Variants in ITM2B observed in about 807,000 individuals in gnomAD.
ITM2B encodes ABri/ADan amyloid peptide.
A neutral mutation model predicts 27.8 loss-of-function variants in ITM2B; 11 were observed. The ratio of observed to expected loss-of-function variants is 0.40; its 90% CI spans 0.25 to 0.66. The LOEUF (loss-of-function observed/expected upper bound fraction) is 0.66. ITM2B is among the 30% of genes least tolerant of loss of function. ITM2B has a pLI of 0.43. For missense variants in ITM2B, 296 were observed against 328.9 expected (o/e 0.90, Z 0.77); for synonymous variants, 114 against 114.3 (o/e 1.00, Z 0.02).
Position 48,233,210 on chromosome 13 carries a change from G to A in ITM2B, c.-151G>A, listed in dbSNP as rs898292453. On this transcript the variant is annotated 5_prime_UTR_variant, in exon 1 of 6. Coordinates refer to ENST00000647800, the MANE Select transcript of ITM2B (RefSeq NM_021999.5). Reference sequence around the variant, plus strand: ...AGGCTGCGAGATCCCTACCGCAGTAGCCGCCTCTGCCGCCGCGGAGCTTCC... The same window carrying A: ...AGGCTGCGAGATCCCTACCGCAGTAACCGCCTCTGCCGCCGCGGAGCTTCC... The A allele has an allele frequency of 6.3e-6, 3 of 476,882 alleles. No homozygotes were observed. Among genetic ancestry groups the A allele is most frequent in the African/African-American group, 4.2e-5 (2 of 47,238 alleles). 29.5% of individuals were successfully genotyped at this position (476,882 alleles called of 1,614,324 possible).
intron 1 of ITM2B, among the ~76,000 whole-genome samples, chr13:48,244,005 C>T (rs1409472800): frequency 6.6e-6 from 1 of 152,104 alleles, no homozygotes; most frequent in East Asian, 1.9e-4. Flanking sequence ...AGATAATATT[C>T]AGACTTTATT....
intron 1 of ITM2B, among the ~76,000 whole-genome samples, chr13:48,243,798 C>CA (rs1373096678): frequency 1.3e-5 from 2 of 151,480 alleles, no homozygotes; most frequent in Non-Finnish European, 2.9e-5. Context: ...GCTGGGGTGA[C>CA]AGAGCAAGAC....
intron 1 of ITM2B, among the ~76,000 whole-genome samples, chr13:48,239,303 T>G (rs1018409212): frequency 6.6e-6 from 1 of 152,186 alleles, no homozygotes; most frequent in African/African-American, 2.4e-5. Context: ...AGATGAATTG[T>G]TGAAGCTGGA....
chr13:48,249,735 G>A (rs1951742697), intron 1 of ITM2B, among the ~76,000 whole-genome samples: 2 of 151,948 alleles, frequency 1.3e-5, no homozygotes, highest in Non-Finnish European at 2.9e-5. Context: ...TAAGTATGAG[G>A]CTTTCTATAG....
intron 1 of ITM2B, among the ~76,000 whole-genome samples, chr13:48,243,863 AAAAAT>A (rs1166147484): frequency 2.0e-5 from 3 of 152,224 alleles, no homozygotes; most frequent in Non-Finnish European, 2.9e-5. Context: ...ATTTAATAAA[AAAAAT>A]CAGGCTATGT....
chr13:48,260,829 A>G (rs1383458994), intron 5 of ITM2B, among the ~76,000 whole-genome samples: 1 of 152,186 alleles, frequency 6.6e-6, no homozygotes, highest in Admixed American at 6.5e-5. Context: ...AGTTTCCACA[A>G]AGATACACAA....
chr13:48,260,997 G>A, intron 5 of ITM2B, 142 bp from the exon 6 acceptor site: 1 of 640,434 alleles, frequency 1.6e-6, no homozygotes, highest in Non-Finnish European at 2.8e-6. Flanking sequence ...CTTTTCTTCA[G>A]TGTAAACATT....
rs1458206284 is a variant in ITM2B at position 48,263,356 on chromosome 13, A to G, written c.*2132A>G. 6.6e-6 allele frequency: 1 copy of G among 152,078 alleles called. No homozygotes were observed. The highest frequency in any genetic ancestry group is 1.5e-5 in the Non-Finnish European group (1 of 68,014). 9.4% of individuals were successfully genotyped at this position (152,078 alleles called of 1,614,324 possible). A position where few individuals can be genotyped will look rare whatever the true frequency, so the allele number is the denominator to read the frequency against. On this transcript the variant is annotated 3_prime_UTR_variant, in exon 6 of 6. Transcript: ENST00000647800. ...ATGTCCCAGGAATTTTGGAACTCCA[A>G]CTGAGATTTCAGGCTCATTATTCAT... is the stretch of plus-strand genomic sequence containing the variant.
Position 48,267,555 on chromosome 13 carries a change from C to A in ITM2B, c.*6331C>A, listed in dbSNP as rs1252979955. ...CCCCATAGAAATGTCTTTGTATAAC[C>A]ATGGCATGATATTATTCTCTTGACT... On this transcript the variant is annotated 3_prime_UTR_variant, in exon 6 of 6. Transcript: ENST00000647800. 1 of 152,154 alleles carries A rather than the reference C, an allele frequency of 6.6e-6. No homozygotes were observed. The highest frequency in any genetic ancestry group is 1.5e-5 in the Non-Finnish European group (1 of 68,036). The allele number at this position is 152,154 out of a possible 1,614,324, so 9.4% of individuals were successfully genotyped here. A position where few individuals can be genotyped will look rare whatever the true frequency, so the allele number is the denominator to read the frequency against.
At chr13:48,250,181 C>T (rs1951746357) in intron 1 of ITM2B, among the ~76,000 whole-genome samples, 2 of 152,172 alleles carry the variant, frequency 1.3e-5, no homozygotes, top group Admixed American at 6.5e-5. Context: ...AAATGCTGAA[C>T]TAGGCTACTG....
Position 48,233,486 on chromosome 13 carries a change from C to T in ITM2B, c.117+9C>T. ...TCGCGGTGGACTGCAAGGTCCGAGC[C>T]CGGGGAGGTCGAGGAAGCGGGTGCT... On this transcript the variant is annotated intron_variant, in intron 1 of 5. Coordinates refer to ENST00000647800, the MANE Select transcript of ITM2B (RefSeq NM_021999.5). 1 of 1,506,490 alleles carries T rather than the reference C, an allele frequency of 6.6e-7. No homozygotes were observed. The allele number at this position is 1,506,490 out of a possible 1,614,324, so 93.3% of individuals were successfully genotyped here.
chr13:48,237,255 T>G (rs906389932), intron 1 of ITM2B, among the ~76,000 whole-genome samples: 74 of 152,246 alleles, frequency 4.9e-4, no homozygotes, highest in African/African-American at 1.7e-3. Context: ...TACCTAGTTA[T>G]GTAATTCCGT....
intron 1 of ITM2B, among the ~76,000 whole-genome samples, chr13:48,249,303 C>A (rs1353491646): frequency 1.3e-5 from 2 of 152,174 alleles, no homozygotes; most frequent in African/African-American, 4.8e-5. Flanking sequence ...GATTCAGTCC[C>A]GCTGGTGTGT....
rs1471716491 is a variant in ITM2B at position 48,263,040 on chromosome 13, A to G, written c.*1816A>G. 1 of 152,208 alleles carries G rather than the reference A, an allele frequency of 6.6e-6. No homozygotes were observed. Among genetic ancestry groups the G allele is most frequent in the Non-Finnish European group, 1.5e-5 (1 of 68,032 alleles). The allele number at this position is 152,208 out of a possible 1,614,324, so 9.4% of individuals were successfully genotyped here. A position where few individuals can be genotyped will look rare whatever the true frequency, so the allele number is the denominator to read the frequency against. On this transcript the variant is annotated 3_prime_UTR_variant, in exon 6 of 6. Coordinates refer to ENST00000647800, the MANE Select transcript of ITM2B (RefSeq NM_021999.5). ...ATAATCCCAACATCTCACTGGCTTCATGCAGTAGGAATATGCTTTCATCAC... is the reference window on the plus strand; with the variant it reads ...ATAATCCCAACATCTCACTGGCTTCGTGCAGTAGGAATATGCTTTCATCAC...
Position 48,265,405 on chromosome 13 carries a change from T to G in ITM2B, c.*4181T>G, listed in dbSNP as rs181539247. ...AACCCAAGCCAGAAACCCCACAGTC[T>G]TCACAGTCACTGTGTCCTCCACCTC... On this transcript the variant is annotated 3_prime_UTR_variant, in exon 6 of 6. Coordinates refer to ENST00000647800, the MANE Select transcript of ITM2B (RefSeq NM_021999.5). The G allele has an allele frequency of 5.0e-3, 762 of 152,424 alleles. 6 individuals are homozygous for G. Among genetic ancestry groups the G allele is most frequent in the Middle Eastern group, 0.01 (3 of 294 alleles). 9.4% of individuals were successfully genotyped at this position (152,424 alleles called of 1,614,324 possible). A position where few individuals can be genotyped will look rare whatever the true frequency, so the allele number is the denominator to read the frequency against.
At chr13:48,253,965 G>A in intron 2 of ITM2B, 29 bp downstream of exon 2, 1 of 1,543,144 alleles carries the variant, frequency 6.5e-7, no homozygotes, top group South Asian at 1.2e-5. Flanking sequence ...TTGTGTCTCT[G>A]ATTTTTTTTT....
In ITM2B at chr13:48,258,885, T is replaced by A. The variant is rs1450459875; in HGVS notation, c.653T>A (p.Phe218Tyr). 6.2e-7 allele frequency: 1 copy of A among 1,613,528 alleles called. No individual in the cohort carries two copies. Among genetic ancestry groups the A allele is most frequent in the East Asian group, 2.2e-5 (1 of 44,866 alleles). ...RIENIDHLGF[F>Y]IYRLCHDKET... The stretch of plus-strand genomic sequence containing the variant: ...GAAAACATTGATCACCTGGGTTTCT[T>A]TATTTATCGACTGTGTCATGACAAG... The change falls in exon 5 of 6, where the codon TTT (phenylalanine) becomes TAT (tyrosine). Residue 218 changes from phenylalanine to tyrosine, a missense_variant. Transcript: ENST00000647800.
In ITM2B at chr13:48,253,890, G is replaced by T. The variant is rs1951770026; in HGVS notation, c.200G>T (p.Gly67Val). Residue 67 changes from glycine (G) to valine (V), a missense_variant, in exon 2 of 6, where the codon GGT (glycine) becomes GTT (valine). By Grantham distance (109) the Gly-to-Val change is moderately radical (BLOSUM62 -3). Transcript: ENST00000647800. Reference protein sequence around the residue: ...MCFGLAFMLAGVILGGAYLYK... With the variant: ...MCFGLAFMLAVVILGGAYLYK... Reference sequence around the variant, plus strand: ...TTTGGACTAGCATTTATGCTTGCAGGTGTTATTCTAGGAGGAGCATACTTG... The same window carrying T: ...TTTGGACTAGCATTTATGCTTGCAGTTGTTATTCTAGGAGGAGCATACTTG... The T allele has an allele frequency of 6.2e-7, 1 of 1,613,656 alleles. No individual in the cohort carries two copies. Among genetic ancestry groups the T allele is most frequent in the Non-Finnish European group, 8.5e-7 (1 of 1,179,794 alleles).
At chr13:48,239,781 T>C (rs1310369172) in intron 1 of ITM2B, among the ~76,000 whole-genome samples, 1 of 152,244 alleles carries the variant, frequency 6.6e-6, no homozygotes, top group Admixed American at 6.5e-5. Flanking sequence ...TGGGCCACTA[T>C]TTTATAATCT....
Sources: gnomAD v4.1 joint callset for allele counts (sites outside exome capture counted in the v4.1 genomes callset) on GRCh38, gnomAD v4.1.1 for gene constraint, MANE v1.5 for transcripts, NCBI Gene and HGNC (gene_info 2026-07-23, HGNC 2026-07-21) for gene names.